FBN2: variants seen among roughly 807,000 people sequenced by gnomAD.
The protein encoded by FBN2 is fibrillin 2.
Under a neutral mutation model 355.6 loss-of-function variants are expected in FBN2, and 105 were observed. That is an observed-to-expected ratio of 0.30 (90% CI 0.25 to 0.35). The LOEUF is 0.35. Ranked by LOEUF, FBN2 falls within the 10% of genes least tolerant of loss-of-function variation. FBN2 has a pLI of 1.00. For synonymous variants in FBN2, 1,350 were observed against 1,301.2 expected, an observed-to-expected ratio of 1.04 and a Z score of -0.81; for missense variants, 3,280 against 3,758.7, an observed-to-expected ratio of 0.87 and a Z score of 3.33.
chr5:128,348,894 G>A (rs546661617), intron 23 of FBN2, among the ~76,000 whole-genome samples: 2 of 152,168 alleles, frequency 1.3e-5, no homozygotes, highest in Admixed American at 6.5e-5. Flanking sequence ...AACTCTAATA[G>A]CAATAAAGGA....
intron 3 of FBN2, among the ~76,000 whole-genome samples, chr5:128,528,225 G>C (rs985887119): frequency 6.6e-6 from 1 of 152,126 alleles, no homozygotes; most frequent in African/African-American, 2.4e-5. Context: ...AAGGTGACTA[G>C]CAGCATAGTT....
At chr5:128,458,321 G>C (rs531211966) in intron 6 of FBN2, among the ~76,000 whole-genome samples, 6 of 152,008 alleles carry the variant, frequency 3.9e-5, no homozygotes, top group African/African-American at 1.4e-4. Flanking sequence ...AGTTATTAGA[G>C]GCCTATAAAG....
intron 18 of FBN2, among the ~76,000 whole-genome samples, chr5:128,363,957 A>C (rs894304856): frequency 6.6e-6 from 1 of 152,260 alleles, no homozygotes; most frequent in African/African-American, 2.4e-5. Context: ...TGTAAAAGCC[A>C]TAAGTGATTA....
chr5:128,367,096 G>A (rs1285428411), intron 16 of FBN2, among the ~76,000 whole-genome samples: 2 of 152,078 alleles, frequency 1.3e-5, no homozygotes, highest in Non-Finnish European at 2.9e-5. Flanking sequence ...AATTAGGTTT[G>A]TCCAACTTTT....
chr5:128,449,376 T>C (rs940497322), intron 6 of FBN2, among the ~76,000 whole-genome samples: 8 of 90,118 alleles, frequency 8.9e-5, no homozygotes, highest in African/African-American at 4.3e-4. Flanking sequence ...GTATAATTTA[T>C]AGTATACTAT....
At chr5:128,371,890 T>A (rs1751954472) in intron 15 of FBN2, among the ~76,000 whole-genome samples, 2 of 152,220 alleles carry the variant, frequency 1.3e-5, no homozygotes, top group African/African-American at 2.4e-5. Flanking sequence ...ATTAGCAGAT[T>A]CTACATACCA....
chr5:128,354,987 TAGAA>T (rs1206977858), intron 20 of FBN2, among the ~76,000 whole-genome samples: 1 of 152,026 alleles, frequency 6.6e-6, no homozygotes, highest in Non-Finnish European at 1.5e-5. Context: ...AGGATGAGTG[TAGAA>T]AGAGAAACAG....
At position 128,335,470 on chromosome 5, in the gene FBN2, C is replaced by T; in HGVS notation, c.3832G>A (p.Gly1278Arg). 6.2e-7 allele frequency: 1 copy of T among 1,614,216 alleles called. No individual in the cohort carries two copies. Among genetic ancestry groups the T allele is most frequent in the South Asian group, 1.1e-5 (1 of 91,090 alleles). The change falls in exon 29 of 65, where the codon GGG becomes AGG. Residue 1278 changes from glycine to arginine, a missense_variant. By Grantham distance (125) the Gly-to-Arg change is moderately radical (BLOSUM62 -2). Transcript: ENST00000262464. ...CSEGYALMPD[G>R]RSCADIDECE... ...CTTTCTATACCTGCACACGATCTCC[C>T]ATCTGGCATCAGGGCATAACCCTCA...
chr5:128,356,476 T>A (rs1751507486), intron 20 of FBN2, among the ~76,000 whole-genome samples: 1 of 152,234 alleles, frequency 6.6e-6, no homozygotes, highest in South Asian at 2.1e-4. Flanking sequence ...TATGTAAAAC[T>A]GAAATATCTT....
At chr5:128,487,962 T>C (rs1252428858) in intron 5 of FBN2, among the ~76,000 whole-genome samples, 1 of 152,134 alleles carries the variant, frequency 6.6e-6, no homozygotes. Flanking sequence ...ACACAGTTCA[T>C]GTAAACAGAA....
chr5:128,408,529 C>A, intron 8 of FBN2, 145 bp downstream of exon 8: 1 of 945,238 alleles, frequency 1.1e-6, no homozygotes, highest in Non-Finnish European at 1.7e-6. Flanking sequence ...GTCTATCAAT[C>A]CCTCAATACT....
At chr5:128,311,461 C>A in intron 38 of FBN2, 36 bp from the exon 39 acceptor site, 2 of 1,609,822 alleles carry the variant, frequency 1.2e-6, no homozygotes, top group Non-Finnish European at 8.5e-7. Context: ...AAAACAAACA[C>A]CTTCACTAAG....
rs1031085220 is a variant in FBN2 at position 128,356,588 on chromosome 5, G to A, written c.2674+688C>T. On this transcript the variant is annotated intron_variant, in intron 20 of 64. Transcript: ENST00000262464. ...TGGAACCACAGAGGCTAGAAGTAGG[G>A]AAAAATTACTGGGACAGTTTTGTTC... Among the ~76,000 whole-genome samples, 16 of 152,230 alleles carry A rather than the reference G, an allele frequency of 1.1e-4. 1 individual carries two copies. The highest frequency in any genetic ancestry group is 2.9e-4 in the African/African-American group (12 of 41,460).
chr5:128,340,522 G>A (rs1750984919), intron 25 of FBN2, among the ~76,000 whole-genome samples: 1 of 152,122 alleles, frequency 6.6e-6, no homozygotes, highest in Admixed American at 6.5e-5. Flanking sequence ...TCTAGGACTG[G>A]TGTTAAGAGT....
At chr5:128,450,150 A>G (rs1754199712) in intron 6 of FBN2, among the ~76,000 whole-genome samples, 1 of 152,144 alleles carries the variant, frequency 6.6e-6, no homozygotes, top group East Asian at 1.9e-4. Flanking sequence ...CATCAGGGAT[A>G]TATTAGACTT....
chr5:128,377,906 AT>A, intron 12 of FBN2, 29 bp from the exon 13 acceptor site: 1 of 1,594,594 alleles, frequency 6.3e-7, no homozygotes. Flanking sequence ...GCCAAACATC[AT>A]TCTTTTACAA....
chr5:128,411,161 T>C (rs970086514), intron 7 of FBN2, among the ~76,000 whole-genome samples: 1 of 152,024 alleles, frequency 6.6e-6, no homozygotes, highest in Non-Finnish European at 1.5e-5. Context: ...AGGATGAGTG[T>C]TTCCGGATGC....
intron 48 of FBN2, among the ~76,000 whole-genome samples, 154 bp from the exon 49 acceptor site, chr5:128,291,808 G>C (rs1186987393): frequency 6.6e-6 from 1 of 152,148 alleles, no homozygotes; most frequent in Non-Finnish European, 1.5e-5. Flanking sequence ...TATTGCTTCA[G>C]AAGTCAAAAG....
At chr5:128,368,437 C>CATATATACATATATATACACAT (rs1292039445) in intron 16 of FBN2, among the ~76,000 whole-genome samples, 3 of 97,728 alleles carry the variant, frequency 3.1e-5, no homozygotes, top group Admixed American at 9.7e-5. Flanking sequence ...TATATATACA[C>CATATATACATATATATACACAT]ATATATACAT....
Sources: allele counts gnomAD v4.1 joint callset (sites outside exome capture counted in the v4.1 genomes callset), GRCh38; gene constraint gnomAD v4.1.1; transcripts MANE v1.5; gene names NCBI Gene and HGNC (gene_info 2026-07-23, HGNC 2026-07-21).